PLEKHH1: variants seen among roughly 807,000 people sequenced by gnomAD.
The protein encoded by PLEKHH1 is pleckstrin homology domain-containing family H member 1.
Under a neutral mutation model 160.0 loss-of-function variants are expected in PLEKHH1, and 104 were observed. The ratio of observed to expected loss-of-function variants is 0.65; its 90% CI spans 0.55 to 0.76. The LOEUF (loss-of-function observed/expected upper bound fraction) is 0.76. Ranked by LOEUF, PLEKHH1 falls within the 30% of genes least tolerant of loss-of-function variation. The pLI is 0.00. For synonymous variants in PLEKHH1, 619 were observed against 678.4 expected (o/e 0.91, Z 1.36); for missense variants, 1,427 against 1,724.1 (o/e 0.83, Z 3.05).
At chr14:67,561,760 C>A (rs1465852323) in intron 5 of PLEKHH1, among the ~76,000 whole-genome samples, 194 bp from the exon 6 acceptor site, 1 of 150,916 alleles carries the variant, frequency 6.6e-6, no homozygotes, top group Non-Finnish European at 1.5e-5. Flanking sequence ...GTCCCAGCTA[C>A]TCAGGAGGCT....
chr14:67,566,590 A>G lies in PLEKHH1; in HGVS notation c.1264-2548A>G, dbSNP rs10147265. On this transcript the variant is annotated intron_variant, in intron 7 of 28. Coordinates refer to ENST00000329153, the MANE Select transcript of PLEKHH1 (RefSeq NM_020715.3). ...CGAAACCCCATGTCTACCAAAAAAGATACAAAAATTAGCTGAGCATGGTGG... is the reference window on the plus strand; with the variant it reads ...CGAAACCCCATGTCTACCAAAAAAGGTACAAAAATTAGCTGAGCATGGTGG... 8.8e-3 allele frequency among the ~76,000 whole-genome samples: 1,338 copies of G among 152,216 alleles called. 26 individuals are homozygous for G. The highest frequency in any genetic ancestry group is 0.031 in the African/African-American group (1,293 of 41,534).
Position 67,562,356 on chromosome 14 carries a change from G to A in PLEKHH1, c.725G>A (p.Ser242Asn). 6.2e-7 allele frequency: 1 copy of A among 1,613,816 alleles called. No homozygotes were observed. The highest frequency in any genetic ancestry group is 8.5e-7 in the Non-Finnish European group (1 of 1,179,720). ...AASPLEDSSS[S>N]TVHSGETVEA... ...AGCCCCTTGGAGGATTCTAGTTCCA[G>A]CACGGTCCATTCTGGGGAAACAGTA... The change falls in exon 7 of 29, where the codon AGC (serine) becomes AAC (asparagine). Residue 242 changes from serine (S) to asparagine (N), a missense_variant. Around this residue, in one of 6 missense-constraint regions of PLEKHH1, gnomAD observed 831 missense variants for 929.2 expected, o/e 0.89. Transcript: ENST00000329153.
intron 4 of PLEKHH1, among the ~76,000 whole-genome samples, chr14:67,559,217 A>G (rs972966537): frequency 6.6e-6 from 1 of 152,166 alleles, no homozygotes; most frequent in Non-Finnish European, 1.5e-5. Flanking sequence ...TTTTAACTAT[A>G]AAGGTAACAC....
chr14:67,534,114 T>C (rs1300370784), intron 1 of PLEKHH1, among the ~76,000 whole-genome samples: 1 of 152,150 alleles, frequency 6.6e-6, no homozygotes, highest in African/African-American at 2.4e-5. Context: ...TTTAAAAAAT[T>C]CAGTGGGAGA....
chr14:67,576,094 C>G lies in PLEKHH1; in HGVS notation c.2352+89C>G. The G allele has an allele frequency of 1.9e-6, 2 of 1,064,912 alleles. No homozygotes were observed. The highest frequency in any genetic ancestry group is 2.7e-6 in the Non-Finnish European group (2 of 728,180). 66.0% of individuals were successfully genotyped at this position (1,064,912 alleles called of 1,614,324 possible). ...TCTTTCTCCTGAGCTTCCCAAAATT[C>G]AAATTTATTTCCTTTTGGACACTTT... On this transcript the variant is annotated intron_variant, in intron 16 of 28. Coordinates refer to ENST00000329153, the MANE Select transcript of PLEKHH1 (RefSeq NM_020715.3). This position sits in a 1 kb window ranked among gnomAD's most constrained non-coding sequence, Gnocchi z 4.0.
In PLEKHH1 at chr14:67,579,336, C is replaced by T. The variant is rs79215294; in HGVS notation, c.3027+25C>T. 4.5e-3 allele frequency: 6,636 copies of T among 1,462,698 alleles called. 344 individuals carry two copies. In the East Asian group the frequency reaches 0.12, roughly 27 times the overall value. The allele number at this position is 1,462,698 out of a possible 1,614,324, so 90.6% of individuals were successfully genotyped here. On this transcript the variant is annotated intron_variant, in intron 21 of 28. Transcript: ENST00000329153. ...TGTGAGGAGCTGGGCGTGCTCTTTG[C>T]CCCGAGTCTTCTCACGTCACCATCC...
rs772013981 is a variant in PLEKHH1, at chr14:67,579,865, G to T, written c.3172G>T (p.Gly1058Ter). 5 of 1,601,066 alleles carry T rather than the reference G, an allele frequency of 3.1e-6. No homozygotes were observed. The highest frequency in any genetic ancestry group is 4.3e-6 in the Non-Finnish European group (5 of 1,173,994). Reference sequence around the variant, plus strand: ...CAGGGACCTGGAGCACTGCCTGCAGGGAAGTGTCAAGGTGACAGCCTCCCA... The same window carrying T: ...CAGGGACCTGGAGCACTGCCTGCAGTGAAGTGTCAAGGTGACAGCCTCCCA... ...SGRDLEHCLQ[G>*]SVKICDAISK... Residue 1058 changes from glycine to a stop codon, truncating the protein, a stop_gained, in exon 22 of 29, where the codon GGA (glycine) becomes TGA (stop). Transcript: ENST00000329153. LOFTEE classifies it high-confidence loss of function.
At chr14:67,548,913 G>A (rs1287586174) in intron 2 of PLEKHH1, among the ~76,000 whole-genome samples, 1 of 152,132 alleles carries the variant, frequency 6.6e-6, no homozygotes, top group Non-Finnish European at 1.5e-5. Flanking sequence ...AAATTTTTCT[G>A]AGTGGATAAA....
chr14:67,566,034 G>C (rs184666470), intron 7 of PLEKHH1, among the ~76,000 whole-genome samples: 74 of 152,296 alleles, frequency 4.9e-4, no homozygotes, highest in African/African-American at 1.7e-3. Flanking sequence ...CAGTAGAATC[G>C]CTTGAACCCA....
At chr14:67,543,002 C>T (rs987408363) in intron 2 of PLEKHH1, among the ~76,000 whole-genome samples, 1 of 152,202 alleles carries the variant, frequency 6.6e-6, no homozygotes, top group Non-Finnish European at 1.5e-5. Context: ...TGAGCCACTG[C>T]GCTCAGCTGG....
chr14:67,547,304 C>G (rs918929444), intron 2 of PLEKHH1, among the ~76,000 whole-genome samples: 4 of 152,188 alleles, frequency 2.6e-5, no homozygotes, highest in Admixed American at 1.3e-4. Flanking sequence ...GGCAGGAAAT[C>G]TTAAGGCCAC....
intron 2 of PLEKHH1, among the ~76,000 whole-genome samples, chr14:67,547,590 T>G (rs1481434858): frequency 6.6e-6 from 1 of 152,074 alleles, no homozygotes; most frequent in Non-Finnish European, 1.5e-5. Context: ...CAGCTGGCCC[T>G]GGGACATTAC....
intron 2 of PLEKHH1, among the ~76,000 whole-genome samples, chr14:67,554,061 A>G (rs188234254): frequency 6.6e-6 from 1 of 152,260 alleles, no homozygotes; most frequent in African/African-American, 2.4e-5. Context: ...GCATAACTCT[A>G]ACTCTCTGTC....
At chr14:67,551,616 G>A (rs1364870987) in intron 2 of PLEKHH1, among the ~76,000 whole-genome samples, 2 of 152,044 alleles carry the variant, frequency 1.3e-5, no homozygotes, top group East Asian at 3.9e-4. Context: ...TAATAATGTT[G>A]AACCTTTCAC....
At chr14:67,567,886 T>G (rs955188862) in intron 7 of PLEKHH1, among the ~76,000 whole-genome samples, 2 of 152,196 alleles carry the variant, frequency 1.3e-5, no homozygotes, top group African/African-American at 2.4e-5. Context: ...TCCTTTAGGC[T>G]CAGTGGAGCA....
Sources: gnomAD v4.1 joint callset for allele counts (sites outside exome capture counted in the v4.1 genomes callset) on GRCh38, gnomAD v4.1.1 for gene constraint, gnomAD v4.1.1 regional missense constraint, Gnocchi (gnomAD v3.1) non-coding constraint, MANE v1.5 for transcripts, NCBI Gene and HGNC (gene_info 2026-07-23, HGNC 2026-07-21) for gene names.